IFT88: variants seen among roughly 807,000 people sequenced by gnomAD.
IFT88 encodes intraflagellar transport protein 88 homolog.
Under a neutral mutation model 119.5 loss-of-function variants are expected in IFT88, and 74 were observed. The ratio of observed to expected loss-of-function variants is 0.62; its 90% CI spans 0.51 to 0.75. IFT88 has a LOEUF of 0.75. Ranked by LOEUF, IFT88 falls within the 30% of genes least tolerant of loss-of-function variation. IFT88 has a pLI of 0.00. For synonymous variants in IFT88, 279 were observed against 316.7 expected, an observed-to-expected ratio of 0.88 and a Z score of 1.26; for missense variants, 961 against 977.7, an observed-to-expected ratio of 0.98 and a Z score of 0.23.
Position 20,611,542 on chromosome 13 carries a change from G to A in IFT88, c.1113-4251G>A, listed in dbSNP as rs1271687713. 3.2e-4 allele frequency among the ~76,000 whole-genome samples: 36 copies of A among 110,930 alleles called. 1 individual carries two copies. The highest frequency in any genetic ancestry group is 1.3e-3 in the South Asian group (4 of 3,172). 72.8% of individuals were successfully genotyped at this position (110,930 alleles called of 152,430 possible). A position where few individuals can be genotyped will look rare whatever the true frequency, so the allele number is the denominator to read the frequency against. On this transcript the variant is annotated intron_variant, in intron 13 of 25. Transcript: ENST00000351808. ...AAAAAAAAAAAAAAAAAAAAAAAAAGACTGAATGCTTTGCACCTAAGATCA... is the reference window on the plus strand; with the variant it reads ...AAAAAAAAAAAAAAAAAAAAAAAAAAACTGAATGCTTTGCACCTAAGATCA...
intron 13 of IFT88, 72 bp from the exon 14 acceptor site, chr13:20,615,721 C>A: frequency 1.3e-6 from 1 of 796,894 alleles, no homozygotes; most frequent in Non-Finnish European, 2.0e-6. Flanking sequence ...AATGTTTACA[C>A]TTAAATTTTA....
chr13:20,663,283 G>T (rs2054126658), intron 22 of IFT88: 1 of 1,479,812 alleles, frequency 6.8e-7, no homozygotes, highest in Non-Finnish European at 9.0e-7. Context: ...CGTGAGGACA[G>T]GACACATGGA....
intron 4 of IFT88, among the ~76,000 whole-genome samples, chr13:20,590,542 T>C (rs2040484367): frequency 6.6e-6 from 1 of 152,150 alleles, no homozygotes; most frequent in African/African-American, 2.4e-5. Context: ...GTGTGTCATA[T>C]TAAACATGCT....
intron 24 of IFT88, among the ~76,000 whole-genome samples, chr13:20,678,500 C>T (rs950257247): frequency 1.3e-5 from 2 of 152,124 alleles, no homozygotes; most frequent in Admixed American, 6.5e-5. Flanking sequence ...AGAAACAGGC[C>T]CTGGCTGATT....
chr13:20,663,050 C>T (rs1439966120), intron 22 of IFT88, among the ~76,000 whole-genome samples: 1 of 152,186 alleles, frequency 6.6e-6, no homozygotes, highest in East Asian at 1.9e-4. Flanking sequence ...TAGTGCTTTG[C>T]ACAGTGTGAA....
chr13:20,663,132 C>G (rs1325039866), intron 22 of IFT88: 9 of 577,682 alleles, frequency 1.6e-5, no homozygotes, highest in Non-Finnish European at 2.3e-5. Context: ...TATAAACTGT[C>G]TACACTTTTT....
At chr13:20,615,907 T>C (rs764573140) in intron 14 of IFT88, 28 bp downstream of exon 14, 2 of 1,283,114 alleles carry the variant, frequency 1.6e-6, no homozygotes, top group South Asian at 2.9e-5. Flanking sequence ...TAATACTGCA[T>C]AGATGTGGTT....
At chr13:20,618,236 A>G (rs970867719) in intron 14 of IFT88, among the ~76,000 whole-genome samples, 1 of 152,162 alleles carries the variant, frequency 6.6e-6, no homozygotes, top group African/African-American at 2.4e-5. Context: ...AAACTTTTTT[A>G]TGTAGCACAT....
At chr13:20,685,595 G>C (rs1021903227) in intron 24 of IFT88, among the ~76,000 whole-genome samples, 1 of 152,254 alleles carries the variant, frequency 6.6e-6, no homozygotes, top group Non-Finnish European at 1.5e-5. Context: ...ACCCAGCCGG[G>C]CATGGTGGCT....
intron 24 of IFT88, among the ~76,000 whole-genome samples, chr13:20,681,584 A>G (rs1339107596): frequency 6.6e-6 from 1 of 152,272 alleles, no homozygotes; most frequent in Admixed American, 6.5e-5. Flanking sequence ...GCAATCAGCC[A>G]TTTGATTCCT....
chr13:20,632,557 A>G (rs2048363856), intron 16 of IFT88, among the ~76,000 whole-genome samples: 1 of 152,224 alleles, frequency 6.6e-6, no homozygotes, highest in Non-Finnish European at 1.5e-5. Context: ...ACAGATTTCC[A>G]AGAACTGCCC....
intron 1 of IFT88, among the ~76,000 whole-genome samples, chr13:20,573,711 G>A (rs2036833075): frequency 6.6e-6 from 1 of 152,194 alleles, no homozygotes; most frequent in South Asian, 2.1e-4. Flanking sequence ...GACATTATGT[G>A]TTGTTGGTCT....
chr13:20,618,395 A>T lies in IFT88; in HGVS notation c.1199+2516A>T, dbSNP rs529314052. ...TCAAGCCTCCCCAAGTGATTCTGAT[A>T]CCTACTATACTGTAACTCTTTACCA... On this transcript the variant is annotated intron_variant, in intron 14 of 25. Transcript: ENST00000351808. Among the ~76,000 whole-genome samples, 3 of 152,292 alleles carry T rather than the reference A, an allele frequency of 2.0e-5. No individual in the cohort carries two copies. In the East Asian group the frequency reaches 5.8e-4, roughly 29 times the overall value.
intron 14 of IFT88, among the ~76,000 whole-genome samples, chr13:20,621,669 A>T (rs2046541868): frequency 6.6e-6 from 1 of 151,758 alleles, no homozygotes; most frequent in South Asian, 2.1e-4. Flanking sequence ...CCCACTTCCT[A>T]CCCAGAGCCT....
intron 13 of IFT88, 126 bp from the exon 14 acceptor site, chr13:20,615,667 T>A (rs2045483412): frequency 2.0e-6 from 1 of 499,610 alleles, no homozygotes. Flanking sequence ...ATGGTACCTG[T>A]CCATTGTTTA....
At chr13:20,571,697 GAA>G (rs1475548905) in intron 1 of IFT88, among the ~76,000 whole-genome samples, 1 of 152,214 alleles carries the variant, frequency 6.6e-6, no homozygotes, top group Non-Finnish European at 1.5e-5. Flanking sequence ...ATCAAAAGGA[GAA>G]GTGTCATGTA....
chr13:20,607,725 G>T, intron 13 of IFT88: 1 of 759,520 alleles, frequency 1.3e-6, no homozygotes, highest in Non-Finnish European at 2.4e-6. Context: ...TCCTGCTTCT[G>T]GCTGTCAGCG....
chr13:20,568,455 A>G (rs1020979390), intron 1 of IFT88, among the ~76,000 whole-genome samples: 3 of 152,248 alleles, frequency 2.0e-5, no homozygotes, highest in East Asian at 1.9e-4. Context: ...TCTCAAGTCA[A>G]ACCTTTTAAA....
chr13:20,625,179 T>A (rs1350690013), intron 14 of IFT88, among the ~76,000 whole-genome samples: 1 of 152,202 alleles, frequency 6.6e-6, no homozygotes, highest in East Asian at 1.9e-4. Context: ...AAATTCTTAG[T>A]TGACACTCAT....
Sources: allele counts gnomAD v4.1 joint callset (sites outside exome capture counted in the v4.1 genomes callset), GRCh38; gene constraint gnomAD v4.1.1; transcripts MANE v1.5; gene names NCBI Gene and HGNC (gene_info 2026-07-23, HGNC 2026-07-21).